UNC5A: variants seen among roughly 807,000 people sequenced by gnomAD.
The protein encoded by UNC5A is netrin receptor UNC5A.
UNC5A carries 20 observed loss-of-function variants against 87.4 expected under a neutral mutation model. The ratio of observed to expected loss-of-function variants is 0.23; its 90% CI spans 0.16 to 0.33. The LOEUF (loss-of-function observed/expected upper bound fraction) is 0.33, where lower values mean the gene tolerates loss of function less well. Among genes scored for constraint, UNC5A ranks in the 10% least tolerant of loss-of-function variants. The probability of loss-of-function intolerance (pLI) is 1.00; values close to 1 mark genes in which losing one functional copy is unlikely to be tolerated. For synonymous variants in UNC5A, 438 were observed against 482.3 expected (o/e 0.91, Z 1.20); for missense variants, 844 against 1,133.4 (o/e 0.74, Z 3.67).
intron 1 of UNC5A, among the ~76,000 whole-genome samples, chr5:176,826,032 C>T (rs1756844490): frequency 1.3e-5 from 2 of 152,200 alleles, no homozygotes; most frequent in African/African-American, 4.8e-5. Context: ...GCTGCGGGTG[C>T]AGCAAAGGGC....
chr5:176,839,758 A>G (rs993543730), intron 1 of UNC5A, among the ~76,000 whole-genome samples: 2 of 151,306 alleles, frequency 1.3e-5, no homozygotes, highest in African/African-American at 4.9e-5. Context: ...CGAAGACAGA[A>G]GCAAGCAGCA....
chr5:176,873,865 G>T, intron 6 of UNC5A, 103 bp from the exon 7 acceptor site: 1 of 1,248,472 alleles, frequency 8.0e-7, no homozygotes, highest in South Asian at 1.4e-5. Flanking sequence ...TAGTGCAGAT[G>T]CCCCGGGGTG....
At chr5:176,846,070 G>A (rs139816700) in intron 1 of UNC5A, among the ~76,000 whole-genome samples, 22 of 152,284 alleles carry the variant, frequency 1.4e-4, no homozygotes, top group African/African-American at 4.8e-4. Context: ...TTTGCACAGG[G>A]AGCTGGTCAT....
intron 1 of UNC5A, among the ~76,000 whole-genome samples, chr5:176,812,069 C>T (rs1463784340): frequency 6.6e-6 from 1 of 152,122 alleles, no homozygotes; most frequent in African/African-American, 2.4e-5. Flanking sequence ...TCTACTCCAT[C>T]CCACCCCTTC....
At chr5:176,821,974 A>G (rs941326170) in intron 1 of UNC5A, among the ~76,000 whole-genome samples, 3 of 152,246 alleles carry the variant, frequency 2.0e-5, no homozygotes, top group Non-Finnish European at 2.9e-5. Context: ...CGAAAGGTAG[A>G]GAGTCAGCTA....
chr5:176,861,282 A>G (rs547040180), intron 1 of UNC5A, among the ~76,000 whole-genome samples: 1 of 152,196 alleles, frequency 6.6e-6, no homozygotes, highest in Non-Finnish European at 1.5e-5. Flanking sequence ...TCATCCTCAC[A>G]ACAGCCTTAA....
Position 176,838,984 on chromosome 5 carries a change from T to G in UNC5A, c.71-23640T>G, listed in dbSNP as rs1284815159. Among the ~76,000 whole-genome samples, 1 of 152,076 alleles carries G rather than the reference T, an allele frequency of 6.6e-6. No individual in the cohort carries two copies. The highest frequency in any genetic ancestry group is 1.5e-5 in the Non-Finnish European group (1 of 68,004). On this transcript the variant is annotated intron_variant, in intron 1 of 14. Coordinates refer to ENST00000329542, the MANE Select transcript of UNC5A (RefSeq NM_133369.3). The surrounding 1 kb of genome is among the most constrained non-coding windows in gnomAD (Gnocchi z 4.2). ...TCCAAAGAAAATGGGGCTGTTATTT[T>G]GGGAAAAGAGGAGCTGGAGCTGGGA...
chr5:176,878,403 AG>A lies in UNC5A; in HGVS notation c.2019+13del, dbSNP rs1217265596. On this transcript the variant is annotated intron_variant, in intron 12 of 14. Transcript: ENST00000329542. ...CCTTGTCAGCTACCAGGTGAGGGCC[AG>A]GGCCGTGGCCAGCGCACAAGAGGCC... 6.2e-7 allele frequency: 1 copy of A among 1,613,380 alleles called. No homozygotes were observed. Among genetic ancestry groups the A allele is most frequent in the South Asian group, 1.1e-5 (1 of 91,066 alleles).
intron 1 of UNC5A, among the ~76,000 whole-genome samples, chr5:176,814,676 A>C (rs984142975): frequency 2.5e-4 from 38 of 152,278 alleles, no homozygotes; most frequent in African/African-American, 8.9e-4. Flanking sequence ...GGGCTGCCAG[A>C]AGCCTCTGAC....
intron 8 of UNC5A, among the ~76,000 whole-genome samples, chr5:176,876,108 T>C (rs1316409421): frequency 1.3e-5 from 2 of 152,036 alleles, no homozygotes; most frequent in African/African-American, 4.8e-5. Flanking sequence ...TTCATGAGAG[T>C]GGGGTCTGTG....
intron 1 of UNC5A, among the ~76,000 whole-genome samples, chr5:176,825,175 A>T (rs952246701): frequency 2.0e-5 from 3 of 152,236 alleles, no homozygotes; most frequent in Admixed American, 2.0e-4. Context: ...AGACCCTTTC[A>T]TAAGGAGCTG....
chr5:176,835,751 G>GTGTGTGTT (rs1392955574), intron 1 of UNC5A, among the ~76,000 whole-genome samples: 1 of 145,512 alleles, frequency 6.9e-6, no homozygotes, highest in Non-Finnish European at 1.5e-5. Context: ...GTGTGTGTGT[G>GTGTGTGTT]TGTGTGTGTG....
At position 176,862,673 on chromosome 5, in the gene UNC5A, G is replaced by A. The variant is rs997522043; in HGVS notation, c.120G>A (p.Pro40=). The change falls in exon 2 of 15, where the codon CCG becomes CCA. Residue 40 remains proline, a synonymous_variant. Coordinates refer to ENST00000329542, the MANE Select transcript of UNC5A (RefSeq NM_133369.3). The part of the protein sequence containing the change: ...TVANPVPGAN[P]DLLPHFLVEP... ...CCAACCCAGTGCCTGGTGCCAACCC[G>A]GACCTGCTTCCCCACTTCCTGGTGG... 30 of 1,613,476 alleles carry A rather than the reference G, an allele frequency of 1.9e-5. No homozygotes were observed. Among genetic ancestry groups the A allele is most frequent in the Middle Eastern group, 3.3e-4 (2 of 6,084 alleles).
chr5:176,839,717 C>A (rs113066618), intron 1 of UNC5A, among the ~76,000 whole-genome samples: 6,694 of 151,708 alleles, frequency 0.044, 261 homozygotes, highest in African/African-American at 0.097. Context: ...TGGGGAGGGC[C>A]TGGGGGTCCT....
rs938327798 is a variant in UNC5A at position 176,879,315 on chromosome 5, A to G, written c.2190A>G (p.Thr730=). 2 of 1,598,604 alleles carry G rather than the reference A, an allele frequency of 1.3e-6. No individual in the cohort carries two copies. Among genetic ancestry groups the G allele is most frequent in the Non-Finnish European group, 1.7e-6 (2 of 1,172,806 alleles). ...FSINFNITKD[T]RFAELLALES... is the part of the protein sequence containing the mutation. ...TCTTTCCCTCCCACCTCCAGGACAC[A>G]AGGTTTGCTGAGCTGCTGGCTCTGG... Residue 730 remains threonine (T), a synonymous_variant, in exon 14 of 15, where the codon ACA becomes ACG. Transcript: ENST00000329542.
intron 1 of UNC5A, among the ~76,000 whole-genome samples, chr5:176,861,312 A>G (rs1192304639): frequency 6.6e-6 from 1 of 152,142 alleles, no homozygotes; most frequent in African/African-American, 2.4e-5. Flanking sequence ...ACCACGCCCC[A>G]TTTTGCAGGT....
intron 1 of UNC5A, among the ~76,000 whole-genome samples, chr5:176,822,730 C>G (rs369615961): frequency 9.8e-5 from 15 of 152,338 alleles, no homozygotes; most frequent in East Asian, 7.7e-4. Flanking sequence ...TTCTGGGAAC[C>G]CTGAGGCCAG....
chr5:176,853,236 A>G (rs1757587751), intron 1 of UNC5A, among the ~76,000 whole-genome samples: 1 of 152,152 alleles, frequency 6.6e-6, no homozygotes, highest in Non-Finnish European at 1.5e-5. Context: ...GGGTTGTACC[A>G]CCTTAGGAAA....
intron 1 of UNC5A, among the ~76,000 whole-genome samples, chr5:176,853,950 T>A (rs566681405): frequency 6.6e-6 from 1 of 152,306 alleles, no homozygotes; most frequent in Admixed American, 6.5e-5. Context: ...TTTGCCCGTT[T>A]CACAAATGAG....
Sources: allele counts gnomAD v4.1 joint callset (sites outside exome capture counted in the v4.1 genomes callset), GRCh38; gene constraint gnomAD v4.1.1; non-coding constraint Gnocchi (gnomAD v3.1); transcripts MANE v1.5; gene names NCBI Gene and HGNC (gene_info 2026-07-23, HGNC 2026-07-21).